The following CELSR1 variants were observed in gnomAD, a reference collection of about 807,000 sequenced individuals.
CELSR1 encodes the protein cadherin EGF LAG seven-pass G-type receptor 1.
Under a neutral mutation model 249.1 loss-of-function variants are expected in CELSR1, and 110 were observed. That is an observed-to-expected ratio of 0.44 (90% confidence interval 0.38 to 0.52). CELSR1 has a LOEUF of 0.52. Among genes scored for constraint, CELSR1 ranks in the 20% least tolerant of loss-of-function variants. CELSR1 has a pLI of 0.00. For synonymous variants in CELSR1, 2,113 were observed against 1,900.0 expected (o/e 1.11, Z -2.92); for missense variants, 4,109 against 4,296.4 (o/e 0.96, Z 1.22).
In CELSR1 at chr22:46,410,989, C is replaced by G. The variant is rs1347064871; in HGVS notation, c.4770-428G>C. Among the ~76,000 whole-genome samples the G allele has an allele frequency of 1.3e-5, 2 of 152,070 alleles. No individual in the cohort carries two copies. The highest frequency in any genetic ancestry group is 2.9e-5 in the Non-Finnish European group (2 of 68,026). ...TTGGGAGGCTGAGGCGGGCAGATCA[C>G]GAGGTCAAGAGATCGAGACCATCCT... On this transcript the variant is annotated intron_variant, in intron 6 of 34. Coordinates refer to ENST00000674500, the MANE Select transcript of CELSR1 (RefSeq NM_001378328.1). This position sits in a 1 kb window ranked among gnomAD's most constrained non-coding sequence, Gnocchi z 6.8.
At position 46,389,318 on chromosome 22, in the gene CELSR1, G is replaced by C; in HGVS notation, c.6527C>G (p.Ala2176Gly). 1 of 1,608,552 alleles carries C rather than the reference G, an allele frequency of 6.2e-7. No homozygotes were observed. Among genetic ancestry groups the C allele is most frequent in the Non-Finnish European group, 8.5e-7 (1 of 1,179,798 alleles). The change falls in exon 18 of 35, where the codon GCA becomes GGA. Residue 2176 changes from alanine (A) to glycine (G), a missense_variant. Around this residue, in one of 7 missense-constraint regions of CELSR1, gnomAD observed 1,805 missense variants for 1,831.6 expected, o/e 0.99. Coordinates refer to ENST00000674500, the MANE Select transcript of CELSR1 (RefSeq NM_001378328.1). Reference protein sequence around the residue: ...HESWQQGFDLAATQDADFHED... With the variant: ...HESWQQGFDLGATQDADFHED... ...GTGAAAGTCGGCGTCCTGCGTGGCT[G>C]CCAGGTCGAAGCCCTGCTGCCAGCT...
chr22:46,450,292 T>C (rs1427566853), intron 2 of CELSR1, among the ~76,000 whole-genome samples: 4 of 152,216 alleles, frequency 2.6e-5, no homozygotes, highest in African/African-American at 7.2e-5. Flanking sequence ...GGGGAGGACG[T>C]GCTACCAACT....
chr22:46,370,158 G>A (rs2078835965), intron 25 of CELSR1: 1 of 467,764 alleles, frequency 2.1e-6, no homozygotes, highest in African/African-American at 2.0e-5. Flanking sequence ...CTGCCAGCTG[G>A]GCCATGTAGA....
At chr22:46,419,360 G>A (rs965197155) in intron 5 of CELSR1, among the ~76,000 whole-genome samples, 4 of 152,206 alleles carry the variant, frequency 2.6e-5, no homozygotes, top group African/African-American at 9.7e-5. Context: ...GGTACAACCT[G>A]AGGGACCCTC....
intron 13 of CELSR1, among the ~76,000 whole-genome samples, chr22:46,394,853 C>T (rs1210643348): frequency 6.6e-6 from 1 of 152,222 alleles, no homozygotes; most frequent in Non-Finnish European, 1.5e-5. Context: ...CAGAGAGCAA[C>T]AGACACTGAA....
chr22:46,463,169 G>A (rs1310649620), intron 2 of CELSR1, among the ~76,000 whole-genome samples: 1 of 152,226 alleles, frequency 6.6e-6, no homozygotes, highest in Admixed American at 6.5e-5. Flanking sequence ...GTCGGGCAGG[G>A]AAAGTGAGTA....
chr22:46,490,640 A>T lies in CELSR1; in HGVS notation c.3545-26295T>A, dbSNP rs2080358501. Among the ~76,000 whole-genome samples, 1 of 151,984 alleles carries T rather than the reference A, an allele frequency of 6.6e-6. No individual in the cohort carries two copies. Among genetic ancestry groups the T allele is most frequent in the Admixed American group, 6.6e-5 (1 of 15,254 alleles). On this transcript the variant is annotated intron_variant, in intron 1 of 34. Transcript: ENST00000674500. The surrounding 1 kb of genome is among the most constrained non-coding windows in gnomAD (Gnocchi z 5.2). ...GAGTGAGCGTCGTGGAGCCTCCCTC[A>T]GGCATGGCTGTGAGCGCCACAGCTG...
rs1305830322 is a variant in CELSR1, at chr22:46,512,362, G to A, written c.3544+21265C>T. Among the ~76,000 whole-genome samples, 1 of 152,212 alleles carries A rather than the reference G, an allele frequency of 6.6e-6. No individual in the cohort carries two copies. The highest frequency in any genetic ancestry group is 6.5e-5 in the Admixed American group (1 of 15,286). ...AAGGCAGGCGGATCACATGAGGTCA[G>A]GAGATCGAGACCATCCTGGCCAATA... On this transcript the variant is annotated intron_variant, in intron 1 of 34. Transcript: ENST00000674500. This position sits in a 1 kb window ranked among gnomAD's most constrained non-coding sequence, Gnocchi z 5.2.
In CELSR1 at chr22:46,536,539, G is replaced by C. The variant is rs1340328444; in HGVS notation, c.632C>G (p.Ser211Trp). 7.3e-7 allele frequency: 1 copy of C among 1,377,412 alleles called. No individual in the cohort carries two copies. The highest frequency in any genetic ancestry group is 9.3e-7 in the Non-Finnish European group (1 of 1,073,094). The allele number at this position is 1,377,412 out of a possible 1,614,324, so 85.3% of individuals were successfully genotyped here. The stretch of plus-strand genomic sequence containing the variant: ...CGGCAGGGGCGGCGATGGGGATGGC[G>C]ACGCGGAGGGCGTCCCCGCGGTGGC... ...EAATAGTPSASPSPSPPLPPN... is the reference protein window; with the variant it reads ...EAATAGTPSAWPSPSPPLPPN... Residue 211 changes from serine (S) to tryptophan (W), a missense_variant, in exon 1 of 35, where the codon TCG becomes TGG. Transcript: ENST00000674500.
chr22:46,464,006 G>A lies in CELSR1; in HGVS notation c.3884C>T (p.Ser1295Phe). 4 of 1,613,904 alleles carry A rather than the reference G, an allele frequency of 2.5e-6. No individual in the cohort carries two copies. The highest frequency in any genetic ancestry group is 3.4e-6 in the Non-Finnish European group (4 of 1,180,046). ...GTCGAAGGGCAGCACGCGCTGCGTGGAGATGGTGGTCAGCAGCGTCCGATT... is the reference window on the plus strand; with the variant it reads ...GTCGAAGGGCAGCACGCGCTGCGTGAAGATGGTGGTCAGCAGCGTCCGATT... ...YLNRTLLTTI[S>F]TQRVLPFDDN... Residue 1295 changes from serine to phenylalanine, a missense_variant, in exon 2 of 35, where the codon TCC (serine) becomes TTC (phenylalanine). This residue lies in a region of CELSR1 where 141 missense variants were observed against 209.4 expected (regional missense o/e 0.67). Transcript: ENST00000674500. The surrounding 1 kb of genome is among the most constrained non-coding windows in gnomAD (Gnocchi z 8.5).
Position 46,512,479 on chromosome 22 carries a change from C to G in CELSR1, c.3544+21148G>C, listed in dbSNP as rs1012260429. On this transcript the variant is annotated intron_variant, in intron 1 of 34. Transcript: ENST00000674500. The surrounding 1 kb of genome is among the most constrained non-coding windows in gnomAD (Gnocchi z 5.2). ...CCCAGCTACGTAGAAGGCTGAGGCA[C>G]GAGAATTGCTTGAACCCGGGAGGCG... is the stretch of plus-strand genomic sequence containing the variant. Among the ~76,000 whole-genome samples the G allele has an allele frequency of 6.6e-6, 1 of 152,048 alleles. No homozygotes were observed. The highest frequency in any genetic ancestry group is 1.5e-5 in the Non-Finnish European group (1 of 68,002).
In CELSR1 at chr22:46,468,480, C is replaced by T. The variant is rs1679298202; in HGVS notation, c.3545-4135G>A. Among the ~76,000 whole-genome samples the T allele has an allele frequency of 6.6e-6, 1 of 152,038 alleles. No individual in the cohort carries two copies. Among genetic ancestry groups the T allele is most frequent in the South Asian group, 2.1e-4 (1 of 4,824 alleles). On this transcript the variant is annotated intron_variant, in intron 1 of 34. Transcript: ENST00000674500. The surrounding 1 kb of genome is among the most constrained non-coding windows in gnomAD (Gnocchi z 4.5). Reference sequence around the variant, plus strand: ...TGACACACGCTACAACATGGATGTACCTTGAGGACGTGATGCTCACTGCAA... The same window carrying T: ...TGACACACGCTACAACATGGATGTATCTTGAGGACGTGATGCTCACTGCAA...
Position 46,535,845 on chromosome 22 carries a change from C to T in CELSR1, c.1326G>A (p.Thr442=), listed in dbSNP as rs199615481. The part of the protein sequence containing the change: ...QGRNPGPLSA[T]ATVYIEVEDE... ...CCTCCACCTCGATGTACACGGTGGCCGTGGCACTGAGCGGGCCCGGATTGC... is the reference window on the plus strand; with the variant it reads ...CCTCCACCTCGATGTACACGGTGGCTGTGGCACTGAGCGGGCCCGGATTGC... The change falls in exon 1 of 35, where the codon ACG becomes ACA. Residue 442 remains threonine (T), a synonymous_variant. Transcript: ENST00000674500. 5.0e-6 allele frequency: 8 copies of T among 1,611,746 alleles called. No homozygotes were observed. In the Admixed American group the frequency reaches 1.2e-4, roughly 23 times the overall value.
Position 46,406,943 on chromosome 22 carries a change from T to C in CELSR1, c.5226+2053A>G, listed in dbSNP as rs1285059801. On this transcript the variant is annotated intron_variant, in intron 9 of 34. Transcript: ENST00000674500. This position sits in a 1 kb window ranked among gnomAD's most constrained non-coding sequence, Gnocchi z 5.4. Reference sequence around the variant, plus strand: ...GCATGGCTCCGCCACGGCACACAGCTGATGGCGGAGGACACGCAGCCCAGA... The same window carrying C: ...GCATGGCTCCGCCACGGCACACAGCCGATGGCGGAGGACACGCAGCCCAGA... Among the ~76,000 whole-genome samples, 1 of 152,178 alleles carries C rather than the reference T, an allele frequency of 6.6e-6. No individual in the cohort carries two copies. Among genetic ancestry groups the C allele is most frequent in the Non-Finnish European group, 1.5e-5 (1 of 68,020 alleles).
In CELSR1 at chr22:46,472,940, C is replaced by G. The variant is rs1166966821; in HGVS notation, c.3545-8595G>C. 1.3e-5 allele frequency among the ~76,000 whole-genome samples: 2 copies of G among 152,212 alleles called. No homozygotes were observed. The highest frequency in any genetic ancestry group is 4.8e-5 in the African/African-American group (2 of 41,446). On this transcript the variant is annotated intron_variant, in intron 1 of 34. Transcript: ENST00000674500. This position sits in a 1 kb window ranked among gnomAD's most constrained non-coding sequence, Gnocchi z 7.0. ...AAGCCAGTACAGCCTCATGTCAACA[C>G]CTCAATTACAGCTGCAAAGAGCCTA...
intron 30 of CELSR1, 129 bp from the exon 31 acceptor site, chr22:46,365,818 C>G: frequency 3.2e-6 from 1 of 316,420 alleles, no homozygotes; most frequent in East Asian, 4.9e-5. Context: ...AAAACAGCCT[C>G]CCGAGTATGT....
intron 3 of CELSR1, 24 bp downstream of exon 3, chr22:46,439,165 T>C (rs753134141): frequency 3.1e-6 from 5 of 1,598,402 alleles, no homozygotes; most frequent in Non-Finnish European, 4.3e-6. Context: ...GACCCCCGTG[T>C]GGCGCGGCGG....
In CELSR1 at chr22:46,423,498, G is replaced by C. The variant is rs752813935; in HGVS notation, c.4611+9895C>G. Among the ~76,000 whole-genome samples, 4 of 151,554 alleles carry C rather than the reference G, an allele frequency of 2.6e-5. No individual in the cohort carries two copies. The highest frequency in any genetic ancestry group is 4.4e-5 in the Non-Finnish European group (3 of 67,934). ...TGCAGGCCTGTAATCCCACCTACTC[G>C]GGAGGCTGAGGCAGGAGAATTGCTT... On this transcript the variant is annotated intron_variant, in intron 5 of 34. Coordinates refer to ENST00000674500, the MANE Select transcript of CELSR1 (RefSeq NM_001378328.1). This position sits in a 1 kb window ranked among gnomAD's most constrained non-coding sequence, Gnocchi z 5.6.
intron 2 of CELSR1, among the ~76,000 whole-genome samples, chr22:46,459,193 C>A (rs1224772507): frequency 1.3e-5 from 2 of 152,062 alleles, no homozygotes; most frequent in African/African-American, 4.8e-5. Context: ...CAGCCGGTTC[C>A]CATTTTAGTA....
Sources: allele counts gnomAD v4.1 joint callset (sites outside exome capture counted in the v4.1 genomes callset), GRCh38; gene constraint gnomAD v4.1.1; regional missense constraint gnomAD v4.1.1; non-coding constraint Gnocchi (gnomAD v3.1); transcripts MANE v1.5; gene names NCBI Gene and HGNC (gene_info 2026-07-23, HGNC 2026-07-21).